CAP2: variants seen among roughly 807,000 people sequenced by gnomAD.
The protein encoded by CAP2 is cyclase associated actin cytoskeleton regulatory protein 2.
Under a neutral mutation model 57.7 loss-of-function variants are expected in CAP2, and 24 were observed. The ratio of observed to expected loss-of-function variants is 0.42; its 90% CI spans 0.30 to 0.58. The LOEUF (loss-of-function observed/expected upper bound fraction) is 0.58, where lower values mean the gene tolerates loss of function less well. Ranked by LOEUF, CAP2 falls within the 20% of genes least tolerant of loss-of-function variation. CAP2 has a pLI of 0.22. For synonymous variants in CAP2, 194 were observed against 207.2 expected, an observed-to-expected ratio of 0.94 and a Z score of 0.55; for missense variants, 501 against 590.3, an observed-to-expected ratio of 0.85 and a Z score of 1.57.
intron 6 of CAP2, among the ~76,000 whole-genome samples, chr6:17,512,837 A>G (rs915475908): frequency 6.6e-6 from 1 of 152,202 alleles, no homozygotes; most frequent in Non-Finnish European, 1.5e-5. Context: ...GCCTTAATAC[A>G]ATAGGATTCT....
At chr6:17,511,168 TAGG>T (rs1177874267) in intron 6 of CAP2, among the ~76,000 whole-genome samples, 1 of 152,146 alleles carries the variant, frequency 6.6e-6, no homozygotes, top group Non-Finnish European at 1.5e-5. Context: ...GTTTTACTGC[TAGG>T]AGTAGTCAAA....
At chr6:17,537,459 G>A (rs1378835618) in intron 7 of CAP2, among the ~76,000 whole-genome samples, 59 of 152,222 alleles carry the variant, frequency 3.9e-4, no homozygotes, top group Non-Finnish European at 7.4e-5. Context: ...GCTTCCCAAA[G>A]TGCTAGGATT....
intron 1 of CAP2, among the ~76,000 whole-genome samples, chr6:17,418,555 C>T (rs1036091711): frequency 2.0e-5 from 3 of 152,180 alleles, no homozygotes; most frequent in East Asian, 1.9e-4. Context: ...CAGTCAGAGA[C>T]GGCAGTCCTA....
chr6:17,505,631 A>G (rs1009370250), intron 4 of CAP2, among the ~76,000 whole-genome samples: 1 of 152,212 alleles, frequency 6.6e-6, no homozygotes, highest in Admixed American at 6.5e-5. Flanking sequence ...ACCTCCTGCA[A>G]ACAAGATTTA....
intron 4 of CAP2, among the ~76,000 whole-genome samples, chr6:17,492,080 C>G (rs1407472185): frequency 6.6e-6 from 1 of 152,214 alleles, no homozygotes; most frequent in Non-Finnish European, 1.5e-5. Flanking sequence ...AAGGGTTTGA[C>G]CTTACTGGTC....
At chr6:17,448,333 A>G (rs1156439274) in intron 3 of CAP2, among the ~76,000 whole-genome samples, 1 of 152,264 alleles carries the variant, frequency 6.6e-6, no homozygotes, top group Non-Finnish European at 1.5e-5. Context: ...AGTGCTTCAG[A>G]TTCCTTAAGT....
rs1760534498 is a variant in CAP2, at chr6:17,455,446, A to G, written c.223-7550A>G. 2.0e-5 allele frequency among the ~76,000 whole-genome samples: 3 copies of G among 152,250 alleles called. No individual in the cohort carries two copies. The South Asian group carries it at 6.2e-4, about 32-fold the overall frequency. ...GAAGAATGCTAACATGTAGAACCCC[A>G]AATCAAAGGGCAGATCACACACTTG... On this transcript the variant is annotated intron_variant, in intron 3 of 12. Coordinates refer to ENST00000229922, the MANE Select transcript of CAP2 (RefSeq NM_006366.3).
At chr6:17,514,117 A>G (rs1489042407) in intron 7 of CAP2, among the ~76,000 whole-genome samples, 163 bp downstream of exon 7, 1 of 152,164 alleles carries the variant, frequency 6.6e-6, no homozygotes, top group African/African-American at 2.4e-5. Flanking sequence ...TAATCCCAGC[A>G]CTTTGGGAGG....
chr6:17,517,571 A>T (rs1264782497), intron 7 of CAP2, among the ~76,000 whole-genome samples: 3 of 152,144 alleles, frequency 2.0e-5, no homozygotes, highest in Non-Finnish European at 4.4e-5. Flanking sequence ...AATTGATTTC[A>T]TGACCCCACT....
intron 1 of CAP2, among the ~76,000 whole-genome samples, chr6:17,417,616 T>G (rs1248972665): frequency 6.6e-6 from 1 of 152,202 alleles, no homozygotes; most frequent in Non-Finnish European, 1.5e-5. Context: ...TGCGATGTTA[T>G]GTTCCTTCCT....
At chr6:17,508,094 G>A (rs1336383055) in intron 6 of CAP2, among the ~76,000 whole-genome samples, 1 of 152,170 alleles carries the variant, frequency 6.6e-6, no homozygotes, top group African/African-American at 2.4e-5. Flanking sequence ...CTATAGAAGA[G>A]AGGAGGAATC....
intron 7 of CAP2, among the ~76,000 whole-genome samples, chr6:17,518,402 G>T (rs1449943612): frequency 6.6e-6 from 1 of 152,168 alleles, no homozygotes; most frequent in African/African-American, 2.4e-5. Context: ...AGGATAAACA[G>T]TTATAGCCAG....
At chr6:17,534,217 A>G (rs755086721) in intron 7 of CAP2, among the ~76,000 whole-genome samples, 34 of 152,384 alleles carry the variant, frequency 2.2e-4, no homozygotes, top group Admixed American at 1.1e-3. Flanking sequence ...GATAAAACAT[A>G]CTATAAAAGA....
chr6:17,400,737 T>G (rs1581485117), intron 1 of CAP2, among the ~76,000 whole-genome samples: 1 of 151,674 alleles, frequency 6.6e-6, no homozygotes, highest in Non-Finnish European at 1.5e-5. Flanking sequence ...TGGTGGCAGG[T>G]GCCTGTAGTC....
intron 4 of CAP2, among the ~76,000 whole-genome samples, chr6:17,468,998 G>C (rs1760946157): frequency 6.6e-6 from 1 of 152,352 alleles, no homozygotes; most frequent in Non-Finnish European, 1.5e-5. Context: ...AAAGTGTTGA[G>C]TTGACATGAA....
intron 3 of CAP2, among the ~76,000 whole-genome samples, chr6:17,458,025 A>G (rs960554769): frequency 6.6e-6 from 1 of 152,200 alleles, no homozygotes; most frequent in Non-Finnish European, 1.5e-5. Context: ...TATTTTATTT[A>G]TAGCCAAGCT....
intron 11 of CAP2, among the ~76,000 whole-genome samples, chr6:17,550,757 G>A (rs982639370): frequency 3.3e-5 from 5 of 152,010 alleles, no homozygotes; most frequent in Admixed American, 1.3e-4. Flanking sequence ...ATAGCACTTC[G>A]ATATTTATAA....
At chr6:17,451,769 C>T (rs1760410302) in intron 3 of CAP2, among the ~76,000 whole-genome samples, 1 of 152,184 alleles carries the variant, frequency 6.6e-6, no homozygotes, top group Non-Finnish European at 1.5e-5. Context: ...CTCAGCATCC[C>T]TAAGTGCTGG....
intron 3 of CAP2, among the ~76,000 whole-genome samples, chr6:17,443,157 C>T (rs947053073): frequency 2.6e-5 from 4 of 152,092 alleles, no homozygotes; most frequent in African/African-American, 7.2e-5. Flanking sequence ...GAGACTGAAG[C>T]GGGAGGATCA....
Sources: allele counts gnomAD v4.1 joint callset (sites outside exome capture counted in the v4.1 genomes callset), GRCh38; gene constraint gnomAD v4.1.1; transcripts MANE v1.5; gene names NCBI Gene and HGNC (gene_info 2026-07-23, HGNC 2026-07-21).